Variants in HTR6 observed in about 807,000 individuals in gnomAD.
The protein encoded by HTR6 is 5-hydroxytryptamine (serotonin) receptor 6, G protein-coupled.
In HTR6, 15 loss-of-function variants were observed where a neutral mutation model predicts 17.4. The observed-to-expected ratio is 0.86, with a 90% CI of 0.58 to 1.33. The LOEUF is 1.33. HTR6 is among the 40% of genes most tolerant of loss of function. The pLI is 0.00. For synonymous variants in HTR6, 326 were observed against 295.5 expected (o/e 1.10, Z -1.06); for missense variants, 578 against 616.0 (o/e 0.94, Z 0.65).
At chr1:19,668,621 A>G (rs1165071546) in intron 1 of HTR6, among the ~76,000 whole-genome samples, 1 of 152,140 alleles carries the variant, frequency 6.6e-6, no homozygotes, top group African/African-American at 2.4e-5. Flanking sequence ...TTTATTAGAC[A>G]CAGGGTCTCA....
rs554390281 is a variant in HTR6 at position 19,675,913 on chromosome 1, G to A, written c.715-2654G>A. Among the ~76,000 whole-genome samples the A allele has an allele frequency of 3.3e-5, 5 of 152,306 alleles. No individual in the cohort carries two copies. In the South Asian group the frequency reaches 1.0e-3, roughly 32 times the overall value. ...GAAAACTAGAAGAGGAGAGAGGAGA[G>A]TAAAACCCTCTTTTACTCCCTTGCT... On this transcript the variant is annotated intron_variant, in intron 1 of 2. Coordinates refer to ENST00000289753, the MANE Select transcript of HTR6 (RefSeq NM_000871.3).
chr1:19,677,678 T>C (rs1208510136), intron 1 of HTR6, among the ~76,000 whole-genome samples: 1 of 152,190 alleles, frequency 6.6e-6, no homozygotes, highest in African/African-American at 2.4e-5. Flanking sequence ...TACAAAGCAA[T>C]TGCCAAGCTC....
In HTR6 at chr1:19,666,224, C is replaced by T. The variant is rs781201635; in HGVS notation, c.471C>T (p.Ala157=). Residue 157 remains alanine (A), a synonymous_variant, in exon 1 of 3, where the codon GCC becomes GCT. Transcript: ENST00000289753. This position sits in a 1 kb window ranked among gnomAD's most constrained non-coding sequence, Gnocchi z 4.5. The part of the protein sequence containing the change: ...VLGAWSLAAL[A]SFLPLLLGWH... ...GCGCCTGGAGCCTCGCCGCTCTCGC[C>T]TCCTTCCTGCCCCTGCTGCTGGGCT... 9 of 1,609,248 alleles carry T rather than the reference C, an allele frequency of 5.6e-6. No individual in the cohort carries two copies. The South Asian group carries it at 9.9e-5, about 18-fold the overall frequency.
At chr1:19,668,015 C>T (rs1193053750) in intron 1 of HTR6, among the ~76,000 whole-genome samples, 1 of 152,222 alleles carries the variant, frequency 6.6e-6, no homozygotes, top group Admixed American at 6.5e-5. Flanking sequence ...CCCAGACAAG[C>T]TTGCCTGTCC....
intron 1 of HTR6, among the ~76,000 whole-genome samples, chr1:19,673,442 C>T (rs2095090671): frequency 6.6e-6 from 1 of 152,216 alleles, no homozygotes; most frequent in Non-Finnish European, 1.5e-5. Context: ...GGCGTGGTGG[C>T]TCACGCCTGT....
At chr1:19,678,514 G>A in intron 1 of HTR6, 53 bp from the exon 2 acceptor site, 1 of 1,603,834 alleles carries the variant, frequency 6.2e-7, no homozygotes, top group South Asian at 1.1e-5. Context: ...GCTAGGATCA[G>A]GGTCAGACGG....
In HTR6 at chr1:19,665,998, C is replaced by T. The variant is rs2095081056; in HGVS notation, c.245C>T (p.Pro82Leu). The T allele has an allele frequency of 6.2e-7, 1 of 1,613,924 alleles. No individual in the cohort carries two copies. Among genetic ancestry groups the T allele is most frequent in the South Asian group, 1.1e-5 (1 of 91,086 alleles). The stretch of plus-strand genomic sequence containing the variant: ...ATGGTGGGGCTGGTGGTGATGCCGC[C>T]GGCCATGCTGAACGCGCTGTACGGG... ...DLMVGLVVMP[P>L]AMLNALYGRW... The change falls in exon 1 of 3, where the codon CCG becomes CTG. Residue 82 changes from proline to leucine, a missense_variant. Physicochemically the swap from Pro to Leu is moderately conservative, Grantham distance 98. Coordinates refer to ENST00000289753, the MANE Select transcript of HTR6 (RefSeq NM_000871.3). The surrounding 1 kb of genome is among the most constrained non-coding windows in gnomAD (Gnocchi z 4.2).
chr1:19,665,063 C>T lies in HTR6; in HGVS notation c.-691C>T, dbSNP rs572401354. Among the ~76,000 whole-genome samples the T allele has an allele frequency of 6.6e-6, 1 of 151,672 alleles. No individual in the cohort carries two copies. The highest frequency in any genetic ancestry group is 2.4e-5 in the African/African-American group (1 of 41,488). The stretch of plus-strand genomic sequence containing the variant: ...CAGTGCGGGCGGGAGACGGAGGCGA[C>T]CCTGCTGCCGGGTGGGGAGGGGGCG... On this transcript the variant is annotated 5_prime_UTR_variant, in exon 1 of 3. Transcript: ENST00000289753. This position sits in a 1 kb window ranked among gnomAD's most constrained non-coding sequence, Gnocchi z 4.2.
intron 1 of HTR6, among the ~76,000 whole-genome samples, chr1:19,670,729 G>A (rs564697192): frequency 3.5e-4 from 54 of 152,288 alleles, no homozygotes; most frequent in African/African-American, 1.3e-3. Flanking sequence ...TTTCCAAAGT[G>A]CTAGGATTAC....
Position 19,666,602 on chromosome 1 carries a change from T to G in HTR6, c.714+135T>G. ...TGGCTGTTGTGAGCGCCCACCTTTC[T>G]TCTGAACTCCAGAGCCAATGCCTGA... On this transcript the variant is annotated intron_variant, in intron 1 of 2. Transcript: ENST00000289753. The surrounding 1 kb of genome is among the most constrained non-coding windows in gnomAD (Gnocchi z 4.5). The G allele has an allele frequency of 1.5e-6, 1 of 662,318 alleles. No homozygotes were observed. Among genetic ancestry groups the G allele is most frequent in the Non-Finnish European group, 2.5e-6 (1 of 394,408 alleles). 41.0% of individuals were successfully genotyped at this position (662,318 alleles called of 1,614,324 possible). A position where few individuals can be genotyped will look rare whatever the true frequency, so the allele number is the denominator to read the frequency against.
Position 19,666,061 on chromosome 1 carries a change from C to A in HTR6, c.308C>A (p.Thr103Asn). ...VLARGLCLLWTAFDVMCCSAS... is the reference protein window; with the variant it reads ...VLARGLCLLWNAFDVMCCSAS... ...GCGCGCGGCCTCTGCCTGCTCTGGA[C>A]CGCCTTCGACGTGATGTGCTGCAGC... is the stretch of plus-strand genomic sequence containing the variant. The change falls in exon 1 of 3, where the codon ACC becomes AAC. Residue 103 changes from threonine to asparagine, a missense_variant. Transcript: ENST00000289753. This position sits in a 1 kb window ranked among gnomAD's most constrained non-coding sequence, Gnocchi z 4.5. 6.2e-7 allele frequency: 1 copy of A among 1,613,262 alleles called. No homozygotes were observed. Among genetic ancestry groups the A allele is most frequent in the Non-Finnish European group, 8.5e-7 (1 of 1,179,840 alleles).
rs1429723165 is a variant in HTR6, at chr1:19,666,651, G to A, written c.714+184G>A. 6.6e-6 allele frequency among the ~76,000 whole-genome samples: 1 copy of A among 151,916 alleles called. No individual in the cohort carries two copies. The highest frequency in any genetic ancestry group is 1.5e-5 in the Non-Finnish European group (1 of 67,958). Reference sequence around the variant, plus strand: ...GACCCACCCACCACAGGATAGCTCCGTCAGGATTTGGGGGCAGGCTTCTCC... The same window carrying A: ...GACCCACCCACCACAGGATAGCTCCATCAGGATTTGGGGGCAGGCTTCTCC... On this transcript the variant is annotated intron_variant, in intron 1 of 2. Coordinates refer to ENST00000289753, the MANE Select transcript of HTR6 (RefSeq NM_000871.3). This position sits in a 1 kb window ranked among gnomAD's most constrained non-coding sequence, Gnocchi z 4.5.
rs199996656 is a variant in HTR6 at position 19,678,915 on chromosome 1, C to T, written c.874-4C>T. 24 of 1,590,512 alleles carry T rather than the reference C, an allele frequency of 1.5e-5. No individual in the cohort carries two copies. Among genetic ancestry groups the T allele is most frequent in the Middle Eastern group, 1.7e-4 (1 of 5,990 alleles). On this transcript the variant is annotated splice_region_variant and splice_polypyrimidine_tract_variant and intron_variant, in intron 2 of 2. Transcript: ENST00000289753. ...ACCAGGCATGATGCATCCCCTCCCCCCAGGCCGTGTGCGACTGCATCTCCC... is the reference window on the plus strand; with the variant it reads ...ACCAGGCATGATGCATCCCCTCCCCTCAGGCCGTGTGCGACTGCATCTCCC...
rs901507104 is a variant in HTR6 at position 19,680,061 on chromosome 1, C to A, written c.*693C>A. ...ATGCATGTGGGCCTCTGCTCTACCA[C>A]CTATGAGCTCTGGGGCCTGACACGA... On this transcript the variant is annotated 3_prime_UTR_variant, in exon 3 of 3. Transcript: ENST00000289753. Among the ~76,000 whole-genome samples the A allele has an allele frequency of 6.6e-6, 1 of 152,206 alleles. No homozygotes were observed. The highest frequency in any genetic ancestry group is 2.4e-5 in the African/African-American group (1 of 41,436).
chr1:19,673,420 A>C (rs2095090642), intron 1 of HTR6, among the ~76,000 whole-genome samples: 1 of 152,154 alleles, frequency 6.6e-6, no homozygotes, highest in Non-Finnish European at 1.5e-5. Context: ...AACAAAATTT[A>C]ATTGTGGGCT....
At position 19,665,975 on chromosome 1, in the gene HTR6, G is replaced by A; in HGVS notation, c.222G>A (p.Met74Ile). Residue 74 changes from methionine (M) to isoleucine (I), a missense_variant, in exon 1 of 3, where the codon ATG becomes ATA. Physicochemically the swap from Met to Ile is conservative, Grantham distance 10. Transcript: ENST00000289753. The surrounding 1 kb of genome is among the most constrained non-coding windows in gnomAD (Gnocchi z 4.2). ...TGTCGCTCTTCACGTCTGACCTGAT[G>A]GTGGGGCTGGTGGTGATGCCGCCGG... ...FLVSLFTSDL[M>I]VGLVVMPPAM... 6.2e-7 allele frequency: 1 copy of A among 1,613,938 alleles called. No homozygotes were observed. Among genetic ancestry groups the A allele is most frequent in the Non-Finnish European group, 8.5e-7 (1 of 1,179,914 alleles).
chr1:19,668,213 C>T (rs549114869), intron 1 of HTR6, among the ~76,000 whole-genome samples: 2 of 152,314 alleles, frequency 1.3e-5, no homozygotes, highest in Admixed American at 1.3e-4. Flanking sequence ...GGATGGCTGC[C>T]TTAGGCCATA....
In HTR6 at chr1:19,679,188, C is replaced by A. The variant is rs778946740; in HGVS notation, c.1143C>A (p.Asp381Glu). ...PLPLPPDSDS[D>E]SDAGSGGSSG... Reference sequence around the variant, plus strand: ...CCCTGCCGCCGGACTCAGATTCGGACTCAGACGCAGGCTCAGGCGGCTCCT... The same window carrying A: ...CCCTGCCGCCGGACTCAGATTCGGAATCAGACGCAGGCTCAGGCGGCTCCT... The change falls in exon 3 of 3, where the codon GAC (aspartate) becomes GAA (glutamate). Residue 381 changes from aspartate to glutamate, a missense_variant. Coordinates refer to ENST00000289753, the MANE Select transcript of HTR6 (RefSeq NM_000871.3). This position sits in a 1 kb window ranked among gnomAD's most constrained non-coding sequence, Gnocchi z 4.9. The A allele has an allele frequency of 6.3e-7, 1 of 1,583,098 alleles. No individual in the cohort carries two copies. Among genetic ancestry groups the A allele is most frequent in the Non-Finnish European group, 8.6e-7 (1 of 1,167,078 alleles).
intron 1 of HTR6, among the ~76,000 whole-genome samples, chr1:19,675,441 C>A (rs1241053587): frequency 1.3e-5 from 2 of 152,106 alleles, no homozygotes; most frequent in Non-Finnish European, 2.9e-5. Context: ...TCTACCCTTT[C>A]TGAGCCTCAG....
Sources: gnomAD v4.1 joint callset for allele counts (sites outside exome capture counted in the v4.1 genomes callset) on GRCh38, gnomAD v4.1.1 for gene constraint, Gnocchi (gnomAD v3.1) non-coding constraint, MANE v1.5 for transcripts, NCBI Gene and HGNC (gene_info 2026-07-23, HGNC 2026-07-21) for gene names.